Variants in TMEM132B observed in about 807,000 individuals in gnomAD.
TMEM132B encodes transmembrane protein 132B.
In TMEM132B, 18 loss-of-function variants were observed where a neutral mutation model predicts 90.8. The observed-to-expected ratio is 0.20, with a 90% CI of 0.14 to 0.29. The LOEUF is 0.29. Ranked by LOEUF, TMEM132B falls within the 10% of genes least tolerant of loss-of-function variation. The probability of loss-of-function intolerance (pLI) is 1.00; values close to 1 mark genes in which losing one functional copy is unlikely to be tolerated. For synonymous variants in TMEM132B, 504 were observed against 523.3 expected, an observed-to-expected ratio of 0.96 and a Z score of 0.50; for missense variants, 1,096 against 1,326.8, an observed-to-expected ratio of 0.83 and a Z score of 2.70.
At chr12:125,649,230 G>C (rs1886844877) in intron 6 of TMEM132B, among the ~76,000 whole-genome samples, 1 of 152,222 alleles carries the variant, frequency 6.6e-6, no homozygotes, top group African/African-American at 2.4e-5. Flanking sequence ...ATATAGTAAA[G>C]AAGGTGGGTT....
At chr12:125,446,722 T>G (rs1390071738) in intron 3 of TMEM132B, among the ~76,000 whole-genome samples, 1 of 152,232 alleles carries the variant, frequency 6.6e-6, no homozygotes, top group Non-Finnish European at 1.5e-5. Context: ...ATATTCACTT[T>G]CACACATAAT....
chr12:125,467,391 T>TCTCCTCCTTTTTCTCCTCTTC (rs1235742884), intron 3 of TMEM132B, among the ~76,000 whole-genome samples: 2 of 151,982 alleles, frequency 1.3e-5, no homozygotes, highest in African/African-American at 4.8e-5. Context: ...TCCTCCTCTT[T>TCTCCTCCTTTTTCTCCTCTTC]CTCCTCCTTT....
At chr12:125,600,933 A>G (rs1246330725) in intron 5 of TMEM132B, among the ~76,000 whole-genome samples, 1 of 152,194 alleles carries the variant, frequency 6.6e-6, no homozygotes, top group African/African-American at 2.4e-5. Flanking sequence ...CTAAATATAT[A>G]TGCACCCAAT....
At chr12:125,453,375 C>T (rs778232866) in intron 3 of TMEM132B, among the ~76,000 whole-genome samples, 5 of 152,076 alleles carry the variant, frequency 3.3e-5, no homozygotes, top group Non-Finnish European at 5.9e-5. Flanking sequence ...GAAAATGGAT[C>T]GCAGTGTGTC....
chr12:125,566,835 C>CTT (rs869196346), intron 4 of TMEM132B, among the ~76,000 whole-genome samples: 121 of 78,702 alleles, frequency 1.5e-3, no homozygotes, highest in African/African-American at 4.2e-3. Flanking sequence ...TCTTCTTCTT[C>CTT]TTTTTTTTTT....
chr12:125,626,158 G>A (rs140898624), intron 5 of TMEM132B, among the ~76,000 whole-genome samples: 2 of 152,104 alleles, frequency 1.3e-5, no homozygotes, highest in East Asian at 1.9e-4. Flanking sequence ...CTTAAGTGTA[G>A]ATCTAGATTT....
At chr12:125,411,331 A>AG (rs908733591) in intron 2 of TMEM132B, among the ~76,000 whole-genome samples, 10 of 121,650 alleles carry the variant, frequency 8.2e-5, no homozygotes, top group African/African-American at 3.2e-4. Context: ...GGGCATAGGG[A>AG]GGGGAACATC....
intron 3 of TMEM132B, among the ~76,000 whole-genome samples, chr12:125,499,948 T>G (rs1157639091): frequency 6.6e-6 from 1 of 152,238 alleles, no homozygotes; most frequent in African/African-American, 2.4e-5. Context: ...CATCCCTATG[T>G]GACCATCTCA....
intron 1 of TMEM132B, among the ~76,000 whole-genome samples, chr12:125,260,843 G>A (rs563598887): frequency 6.6e-6 from 1 of 152,312 alleles, no homozygotes; most frequent in Admixed American, 6.5e-5. Context: ...TTAAGCCCGG[G>A]AGGTCGAGGA....
chr12:125,328,893 C>G (rs1270218002), intron 1 of TMEM132B, among the ~76,000 whole-genome samples: 1 of 152,182 alleles, frequency 6.6e-6, no homozygotes, highest in Non-Finnish European at 1.5e-5. Flanking sequence ...CCAAACTAGA[C>G]TAAACTCTGT....
At chr12:125,291,953 T>C (rs951614504) in intron 1 of TMEM132B, among the ~76,000 whole-genome samples, 2 of 152,260 alleles carry the variant, frequency 1.3e-5, no homozygotes, top group Admixed American at 1.3e-4. Context: ...GCTAAGTTTG[T>C]GGTAATCCAT....
intron 1 of TMEM132B, among the ~76,000 whole-genome samples, chr12:125,313,321 A>G (rs1449855738): frequency 6.6e-6 from 1 of 152,086 alleles, no homozygotes; most frequent in Non-Finnish European, 1.5e-5. Context: ...CAATTCCTAG[A>G]TGGTTAGTTA....
intron 3 of TMEM132B, among the ~76,000 whole-genome samples, chr12:125,431,428 G>A (rs1170599341): frequency 6.6e-6 from 1 of 152,174 alleles, no homozygotes; most frequent in Non-Finnish European, 1.5e-5. Context: ...CCAGCCCCCT[G>A]GGAAGGATTT....
At chr12:125,403,538 A>G (rs905596549) in intron 2 of TMEM132B, among the ~76,000 whole-genome samples, 1 of 152,248 alleles carries the variant, frequency 6.6e-6, no homozygotes, top group Non-Finnish European at 1.5e-5. Flanking sequence ...GCCTAAAGAT[A>G]TTTCTCTAAA....
rs116268742 is a variant in TMEM132B at position 125,244,168 on chromosome 12, G to A, written c.67+57302G>A. 7.6e-3 allele frequency among the ~76,000 whole-genome samples: 1,160 copies of A among 152,292 alleles called. 15 individuals carry two copies. The highest frequency in any genetic ancestry group is 0.027 in the African/African-American group (1,107 of 41,544). The stretch of plus-strand genomic sequence containing the variant: ...TTTGTGTATTCGTCGGTTGATAGAC[G>A]TGGGTTGTTTCCATCTTTTGGCTAT... On this transcript the variant is annotated intron_variant, in intron 1 of 8. Transcript: ENST00000682704.
intron 1 of TMEM132B, among the ~76,000 whole-genome samples, chr12:125,248,761 C>G (rs1425399852): frequency 6.6e-6 from 1 of 152,138 alleles, no homozygotes; most frequent in Non-Finnish European, 1.5e-5. Flanking sequence ...GTGAGGATGT[C>G]TGCCCAGTTG....
At chr12:125,456,151 A>T (rs1566041858) in intron 3 of TMEM132B, among the ~76,000 whole-genome samples, 2 of 152,228 alleles carry the variant, frequency 1.3e-5, no homozygotes, top group South Asian at 4.1e-4. Flanking sequence ...CTGGACATGT[A>T]TCAGCATATC....
At chr12:125,290,167 T>A (rs1875497291) in intron 1 of TMEM132B, among the ~76,000 whole-genome samples, 1 of 152,218 alleles carries the variant, frequency 6.6e-6, no homozygotes, top group Non-Finnish European at 1.5e-5. Flanking sequence ...GTTTGGGCCG[T>A]AATTCATTCA....
At chr12:125,348,673 C>A (rs763485783) in intron 1 of TMEM132B, among the ~76,000 whole-genome samples, 1 of 152,058 alleles carries the variant, frequency 6.6e-6, no homozygotes, top group Non-Finnish European at 1.5e-5. Flanking sequence ...CTTGCGGCAA[C>A]CCAGTAAGGT....
Sources: gnomAD v4.1 joint callset for allele counts (sites outside exome capture counted in the v4.1 genomes callset) on GRCh38, gnomAD v4.1.1 for gene constraint, MANE v1.5 for transcripts, NCBI Gene and HGNC (gene_info 2026-07-23, HGNC 2026-07-21) for gene names.